Variants in MPZL1 observed in about 807,000 individuals in gnomAD.
MPZL1 encodes myelin protein zero-like protein 1.
MPZL1 carries 16 observed loss-of-function variants against 29.3 expected under a neutral mutation model. That is an observed-to-expected ratio of 0.55 (90% CI 0.37 to 0.83). MPZL1 has a LOEUF of 0.83. MPZL1 is among the 40% of genes least tolerant of loss of function. The pLI, the probability that MPZL1 is intolerant of heterozygous loss-of-function variation, is 0.00. For missense variants in MPZL1, 279 were observed against 332.9 expected (o/e 0.84, Z 1.26); for synonymous variants, 143 against 132.0 (o/e 1.08, Z -0.57).
chr1:167,787,669 T>A, intron 5 of MPZL1, 151 bp from the exon 6 acceptor site: 2 of 585,944 alleles, frequency 3.4e-6, no homozygotes, highest in Non-Finnish European at 6.2e-6. Context: ...CCTGGATGTA[T>A]CATCCATAAG....
intron 1 of MPZL1, among the ~76,000 whole-genome samples, chr1:167,728,034 A>ATTTTT (rs35770520): frequency 9.6e-6 from 1 of 104,100 alleles, no homozygotes. Flanking sequence ...CGCCCAACTA[A>ATTTTT]TTTTTTTTTT....
At chr1:167,763,510 AAAAAG>A (rs1458927230) in intron 1 of MPZL1, among the ~76,000 whole-genome samples, 72 of 152,068 alleles carry the variant, frequency 4.7e-4, no homozygotes, top group Non-Finnish European at 7.5e-4. Flanking sequence ...CAAAAAAAAA[AAAAAG>A]AAAGAAAGAA....
At chr1:167,776,190 C>T (rs1323524745) in intron 5 of MPZL1, 24 bp downstream of exon 5, 10 of 1,549,264 alleles carry the variant, frequency 6.5e-6, no homozygotes, top group Admixed American at 1.7e-5. Context: ...GCGATTCTGC[C>T]CACTGCACTG....
Position 167,722,009 on chromosome 1 carries a change from C to A in MPZL1, c.-143C>A. On this transcript the variant is annotated 5_prime_UTR_variant, in exon 1 of 6. Coordinates refer to ENST00000359523, the MANE Select transcript of MPZL1 (RefSeq NM_003953.6). ...AGAGCTGGAGAGCCGCGGCTGGGACCGGAGTGGGGAGCGCGGCGTGGAGGT... is the reference window on the plus strand; with the variant it reads ...AGAGCTGGAGAGCCGCGGCTGGGACAGGAGTGGGGAGCGCGGCGTGGAGGT... 1 of 1,161,334 alleles carries A rather than the reference C, an allele frequency of 8.6e-7. No homozygotes were observed. Among genetic ancestry groups the A allele is most frequent in the South Asian group, 4.4e-5 (1 of 22,666 alleles). The allele number at this position is 1,161,334 out of a possible 1,614,324, so 71.9% of individuals were successfully genotyped here. A position where few individuals can be genotyped will look rare whatever the true frequency, so the allele number is the denominator to read the frequency against.
At chr1:167,782,737 C>T (rs1261169532) in intron 5 of MPZL1, among the ~76,000 whole-genome samples, 1 of 152,086 alleles carries the variant, frequency 6.6e-6, no homozygotes, top group Non-Finnish European at 1.5e-5. Flanking sequence ...TGGGTGGCTC[C>T]ATTGTAACCA....
chr1:167,787,787 C>T (rs1661619140), intron 5 of MPZL1, 33 bp from the exon 6 acceptor site: 6 of 1,532,264 alleles, frequency 3.9e-6, no homozygotes, highest in South Asian at 2.2e-5. Context: ...CCAGCGTTTT[C>T]AGTCCTCTAA....
chr1:167,784,681 A>C (rs1311145376), intron 5 of MPZL1, among the ~76,000 whole-genome samples: 1 of 152,190 alleles, frequency 6.6e-6, no homozygotes, highest in African/African-American at 2.4e-5. Flanking sequence ...CCCCAATCTC[A>C]ACCTACATCT....
At chr1:167,781,401 C>T (rs115352320) in intron 5 of MPZL1, among the ~76,000 whole-genome samples, 22 of 152,166 alleles carry the variant, frequency 1.4e-4, no homozygotes, top group Middle Eastern at 3.4e-3. Flanking sequence ...ATATAGAGTA[C>T]GTTCTCTGGC....
At chr1:167,782,114 C>T (rs568887236) in intron 5 of MPZL1, among the ~76,000 whole-genome samples, 270 of 152,242 alleles carry the variant, frequency 1.8e-3, no homozygotes, top group African/African-American at 6.2e-3. Context: ...CCTTCATTCA[C>T]TAATTCCTTA....
intron 1 of MPZL1, among the ~76,000 whole-genome samples, chr1:167,741,906 A>C (rs1034474101): frequency 3.3e-5 from 5 of 151,994 alleles, no homozygotes; most frequent in African/African-American, 1.2e-4. Context: ...GATGGCTCAC[A>C]CCTGTAGTCC....
At chr1:167,731,363 G>A (rs1216365904) in intron 1 of MPZL1, among the ~76,000 whole-genome samples, 1 of 152,082 alleles carries the variant, frequency 6.6e-6, no homozygotes, top group African/African-American at 2.4e-5. Flanking sequence ...CTTGAACCTG[G>A]GGGACAGAGG....
intron 1 of MPZL1, among the ~76,000 whole-genome samples, chr1:167,739,460 G>T (rs1660470623): frequency 6.6e-6 from 1 of 151,646 alleles, no homozygotes; most frequent in African/African-American, 2.4e-5. Context: ...ACCATGCTTT[G>T]TTGGTTTGTT....
rs539350818 is a variant in MPZL1, at chr1:167,788,507, G to A, written c.*586G>A. 6.6e-6 allele frequency: 1 copy of A among 152,370 alleles called. No individual in the cohort carries two copies. Among genetic ancestry groups the A allele is most frequent in the Non-Finnish European group, 1.5e-5 (1 of 68,194 alleles). The allele number at this position is 152,370 out of a possible 1,614,324, so 9.4% of individuals were successfully genotyped here. A position where few individuals can be genotyped will look rare whatever the true frequency, so the allele number is the denominator to read the frequency against. On this transcript the variant is annotated 3_prime_UTR_variant, in exon 6 of 6. Transcript: ENST00000359523. ...TTTGAAGTTTTTCTCACTAAAATAT[G>A]GGGCAATTGTTAGCCTTACATGTTG...
chr1:167,756,691 CTTTA>C (rs951441426), intron 1 of MPZL1, among the ~76,000 whole-genome samples: 2 of 152,104 alleles, frequency 1.3e-5, no homozygotes, highest in Non-Finnish European at 2.9e-5. Context: ...ATATTGTATT[CTTTA>C]TTTATTCATT....
intron 2 of MPZL1, among the ~76,000 whole-genome samples, chr1:167,767,709 G>A (rs1328015673): frequency 1.3e-5 from 2 of 151,246 alleles, no homozygotes; most frequent in African/African-American, 2.4e-5. Context: ...GCCATACTGT[G>A]GATGGCTTTT....
At chr1:167,757,634 A>G (rs904885419) in intron 1 of MPZL1, among the ~76,000 whole-genome samples, 8 of 152,184 alleles carry the variant, frequency 5.3e-5, no homozygotes, top group African/African-American at 1.9e-4. Context: ...AGTATGTTTT[A>G]AAAGGTCATA....
intron 3 of MPZL1, 114 bp from the exon 4 acceptor site, chr1:167,773,122 T>G (rs1661286503): frequency 9.2e-7 from 1 of 1,090,140 alleles, no homozygotes; most frequent in African/African-American, 1.6e-5. Context: ...GTTTGGATAA[T>G]AAAAGAGGGT....
intron 1 of MPZL1, among the ~76,000 whole-genome samples, chr1:167,755,738 A>G (rs1469819315): frequency 6.6e-6 from 1 of 152,226 alleles, no homozygotes. Context: ...AAAGTCTCCT[A>G]ATAGCACTTT....
In MPZL1 at chr1:167,765,632, C is replaced by T. The variant is rs771191552; in HGVS notation, c.141C>T (p.Phe47=). Reference sequence around the variant, plus strand: ...AAGTATATACGCCAAAAGAAATCTTCGTGGCAAATGGTACACAAGGGAAGC... The same window carrying T: ...AAGTATATACGCCAAAAGAAATCTTTGTGGCAAATGGTACACAAGGGAAGC... ...ALEVYTPKEI[F]VANGTQGKLT... Residue 47 remains phenylalanine (F), a synonymous_variant, in exon 2 of 6, where the codon TTC becomes TTT. Coordinates refer to ENST00000359523, the MANE Select transcript of MPZL1 (RefSeq NM_003953.6). 1.9e-6 allele frequency: 3 copies of T among 1,612,844 alleles called. No individual in the cohort carries two copies. The highest frequency in any genetic ancestry group is 1.1e-5 in the South Asian group (1 of 90,788).
Sources: allele counts gnomAD v4.1 joint callset (sites outside exome capture counted in the v4.1 genomes callset), GRCh38; gene constraint gnomAD v4.1.1; transcripts MANE v1.5; gene names NCBI Gene and HGNC (gene_info 2026-07-23, HGNC 2026-07-21).